CTIF: variants seen among roughly 807,000 people sequenced by gnomAD.
CTIF encodes the protein cap binding complex dependent translation initiation factor.
In CTIF, 21 loss-of-function variants were observed where a neutral mutation model predicts 66.0. The observed-to-expected ratio is 0.32, with a 90% CI of 0.23 to 0.46. CTIF has a LOEUF of 0.46. CTIF is among the 20% of genes least tolerant of loss of function. The pLI is 1.00. For synonymous variants in CTIF, 345 were observed against 326.4 expected (o/e 1.06, Z -0.62); for missense variants, 739 against 812.7 (o/e 0.91, Z 1.10).
intron 9 of CTIF, among the ~76,000 whole-genome samples, chr18:48,794,185 G>A (rs2067857080): frequency 6.6e-6 from 1 of 152,138 alleles, no homozygotes; most frequent in East Asian, 1.9e-4. Context: ...CCTGCTCTCT[G>A]CCCATTCCTC....
At chr18:48,596,356 C>G (rs2089986749) in intron 1 of CTIF, among the ~76,000 whole-genome samples, 2 of 152,154 alleles carry the variant, frequency 1.3e-5, no homozygotes, top group South Asian at 4.1e-4. Flanking sequence ...GTCTCATGGC[C>G]CAAGAGAGTT....
Position 48,694,916 on chromosome 18 carries a change from C to G in CTIF, c.508-16703C>G, listed in dbSNP as rs1344165911. 2.6e-5 allele frequency among the ~76,000 whole-genome samples: 4 copies of G among 152,344 alleles called. No individual in the cohort carries two copies. In the East Asian group the frequency reaches 7.7e-4, roughly 29 times the overall value. On this transcript the variant is annotated intron_variant, in intron 6 of 11. Transcript: ENST00000256413. ...CAGAGATTTTTCTGCATGCAAGCAG[C>G]TTTTTAGGAACTCATCTTTGTCCAT...
At chr18:48,722,360 C>T (rs1300742504) in intron 7 of CTIF, among the ~76,000 whole-genome samples, 1 of 152,026 alleles carries the variant, frequency 6.6e-6, no homozygotes, top group Non-Finnish European at 1.5e-5. Context: ...GGACCACAGG[C>T]ACGTGCCACC....
chr18:48,664,701 T>C (rs1176101530), intron 5 of CTIF, 150 bp downstream of exon 5: 1 of 638,592 alleles, frequency 1.6e-6, no homozygotes, highest in East Asian at 2.8e-5. Context: ...AGCTGCAGGC[T>C]CACTGGCTTC....
chr18:48,696,163 A>C (rs950436953), intron 6 of CTIF, among the ~76,000 whole-genome samples: 1 of 152,194 alleles, frequency 6.6e-6, no homozygotes, highest in Non-Finnish European at 1.5e-5. Context: ...CTGGAGGTGA[A>C]GCTTAGGGCT....
chr18:48,696,016 T>C (rs1202438950), intron 6 of CTIF, among the ~76,000 whole-genome samples: 2 of 152,256 alleles, frequency 1.3e-5, no homozygotes, highest in Non-Finnish European at 2.9e-5. Context: ...GTAGAACCTT[T>C]TGAAAACAGC....
chr18:48,661,988 GC>G lies in CTIF; in HGVS notation c.253-1761del, dbSNP rs1278164794. The G allele has an allele frequency of 5.3e-5, 8 of 152,358 alleles. 1 individual carries two copies. The highest frequency in any genetic ancestry group is 1.9e-4 in the African/African-American group (8 of 41,578). The allele number at this position is 152,358 out of a possible 1,614,324, so 9.4% of individuals were successfully genotyped here. On this transcript the variant is annotated intron_variant, in intron 3 of 11. Coordinates refer to ENST00000256413, the MANE Select transcript of CTIF (RefSeq NM_014772.3). ...ACCCAGGGGGTCCCTGCCATCAAGG[GC>G]CCGCTATCTCCTGTGGGAGAGAGGT...
At chr18:48,728,907 A>G (rs1354281063) in intron 7 of CTIF, among the ~76,000 whole-genome samples, 5 of 152,200 alleles carry the variant, frequency 3.3e-5, no homozygotes, top group African/African-American at 9.6e-5. Context: ...GGAGGTGGGG[A>G]CCACTGGGAG....
chr18:48,757,863 A>T, intron 7 of CTIF, 56 bp from the exon 8 acceptor site: 1 of 1,561,960 alleles, frequency 6.4e-7, no homozygotes, highest in Admixed American at 1.8e-5. Context: ...GGGCACAGGG[A>T]CTCTGACCAG....
At chr18:48,559,155 G>C (rs901355042) in intron 1 of CTIF, among the ~76,000 whole-genome samples, 1 of 151,772 alleles carries the variant, frequency 6.6e-6, no homozygotes, top group Non-Finnish European at 1.5e-5. Flanking sequence ...ATCTAGATGG[G>C]GACTCTGGAG....
chr18:48,735,368 T>A (rs1345210573), intron 7 of CTIF, among the ~76,000 whole-genome samples: 2 of 152,116 alleles, frequency 1.3e-5, no homozygotes, highest in East Asian at 3.9e-4. Flanking sequence ...AGTGAAGAAT[T>A]AGAGCCAGTG....
chr18:48,575,319 G>T lies in CTIF; in HGVS notation c.-29+36007G>T, dbSNP rs143463710. ...ACAGCTGTTCTATGGCAACACGGCC[G>T]AGTAACAGAACCAGAACTCCATCTT... On this transcript the variant is annotated intron_variant, in intron 1 of 11. Coordinates refer to ENST00000256413, the MANE Select transcript of CTIF (RefSeq NM_014772.3). 2.2e-4 allele frequency among the ~76,000 whole-genome samples: 33 copies of T among 152,316 alleles called. No homozygotes were observed. In the East Asian group the frequency reaches 6.4e-3, roughly 29 times the overall value.
intron 1 of CTIF, among the ~76,000 whole-genome samples, chr18:48,564,445 C>G: frequency 6.6e-6 from 1 of 152,186 alleles, no homozygotes. Context: ...AAGCCTGGCT[C>G]TCCTGTGGCT....
At chr18:48,784,710 T>C (rs988892054) in intron 9 of CTIF, among the ~76,000 whole-genome samples, 1 of 151,910 alleles carries the variant, frequency 6.6e-6, no homozygotes, top group African/African-American at 2.4e-5. Context: ...CAGTGGGGCC[T>C]AAGGGTCAGG....
intron 7 of CTIF, among the ~76,000 whole-genome samples, chr18:48,719,732 A>G (rs888658324): frequency 1.3e-5 from 2 of 152,174 alleles, no homozygotes; most frequent in Non-Finnish European, 2.9e-5. Flanking sequence ...GGTTCTGTTT[A>G]CTGCCATGTT....
intron 3 of CTIF, among the ~76,000 whole-genome samples, chr18:48,661,237 C>T (rs935162234): frequency 2.6e-5 from 4 of 152,118 alleles, no homozygotes; most frequent in Non-Finnish European, 5.9e-5. Flanking sequence ...AATTTATAGG[C>T]GCCAGAGAAC....
chr18:48,684,045 C>T (rs138117828), intron 6 of CTIF, among the ~76,000 whole-genome samples: 175 of 152,344 alleles, frequency 1.1e-3, no homozygotes, highest in African/African-American at 3.6e-3. Flanking sequence ...GGCGTGGTGA[C>T]ATTGCTAAGG....
intron 1 of CTIF, chr18:48,568,060 T>C (rs1278621963): frequency 6.6e-6 from 1 of 152,114 alleles, no homozygotes; most frequent in African/African-American, 2.4e-5. Flanking sequence ...GAAAATAAGA[T>C]TTCAAATCCT....
At chr18:48,832,331 C>A (rs1015721200) in intron 10 of CTIF, among the ~76,000 whole-genome samples, 1 of 152,122 alleles carries the variant, frequency 6.6e-6, no homozygotes, top group Admixed American at 6.5e-5. Flanking sequence ...ACCACCACCC[C>A]CGGCTAATTT....
Sources: gnomAD v4.1 joint callset for allele counts (sites outside exome capture counted in the v4.1 genomes callset) on GRCh38, gnomAD v4.1.1 for gene constraint, MANE v1.5 for transcripts, NCBI Gene and HGNC (gene_info 2026-07-23, HGNC 2026-07-21) for gene names.